The following OSBPL6 variants were observed in gnomAD, a reference collection of about 807,000 sequenced individuals.
The protein encoded by OSBPL6 is oxysterol binding protein like 6.
OSBPL6 carries 49 observed loss-of-function variants against 125.8 expected under a neutral mutation model. The observed-to-expected ratio is 0.39, with a 90% CI of 0.31 to 0.49. The LOEUF (loss-of-function observed/expected upper bound fraction) is 0.49. Among genes scored for constraint, OSBPL6 ranks in the 20% least tolerant of loss-of-function variants. The pLI, the probability that OSBPL6 is intolerant of heterozygous loss-of-function variation, is 0.88. For synonymous variants in OSBPL6, 394 were observed against 391.8 expected, an observed-to-expected ratio of 1.01 and a Z score of -0.07; for missense variants, 986 against 1,135.4, an observed-to-expected ratio of 0.87 and a Z score of 1.89.
rs751439374 is a variant in OSBPL6, at chr2:178,336,329, C to G, written c.686C>G (p.Ser229Cys). The change falls in exon 9 of 25, where the codon TCC (serine) becomes TGC (cysteine). Residue 229 changes from serine (S) to cysteine (C), a missense_variant. Ser to Cys is a moderately radical substitution (Grantham distance 112, BLOSUM62 -1). Coordinates refer to ENST00000190611, the MANE Select transcript of OSBPL6 (RefSeq NM_032523.4). ...KMQPNSFPWQSPLPCSNSLPA... is the reference protein window; with the variant it reads ...KMQPNSFPWQCPLPCSNSLPA... Reference sequence around the variant, plus strand: ...CAACCAAACAGCTTTCCGTGGCAGTCCCCTTTACCATGCAGCAATAGCCTC... The same window carrying G: ...CAACCAAACAGCTTTCCGTGGCAGTGCCCTTTACCATGCAGCAATAGCCTC... 1 of 1,614,060 alleles carries G rather than the reference C, an allele frequency of 6.2e-7. No homozygotes were observed. Among genetic ancestry groups the G allele is most frequent in the South Asian group, 1.1e-5 (1 of 91,074 alleles).
intron 12 of OSBPL6, among the ~76,000 whole-genome samples, chr2:178,360,604 T>C (rs1692265734): frequency 6.6e-6 from 1 of 152,214 alleles, no homozygotes. Context: ...TGAAACTACA[T>C]ATTTTCAACA....
At chr2:178,330,049 G>T (rs1689062105) in intron 5 of OSBPL6, among the ~76,000 whole-genome samples, 1 of 152,168 alleles carries the variant, frequency 6.6e-6, no homozygotes, top group Admixed American at 6.5e-5. Context: ...CCAAGGACCT[G>T]TCCTCACTGT....
chr2:178,315,050 G>C (rs748005094), intron 3 of OSBPL6, among the ~76,000 whole-genome samples: 5 of 152,160 alleles, frequency 3.3e-5, no homozygotes, highest in Non-Finnish European at 5.9e-5. Flanking sequence ...ATGGTACATA[G>C]ACTAAAATGT....
chr2:178,375,802 C>T (rs1402348934), intron 15 of OSBPL6, among the ~76,000 whole-genome samples: 3 of 152,128 alleles, frequency 2.0e-5, no homozygotes, highest in African/African-American at 7.2e-5. Context: ...TGATGACTTC[C>T]TAGCTTACCT....
chr2:178,335,582 A>T (rs1410453750), intron 8 of OSBPL6, among the ~76,000 whole-genome samples: 1 of 152,220 alleles, frequency 6.6e-6, no homozygotes, highest in Admixed American at 6.5e-5. Flanking sequence ...GTAATGATTT[A>T]GAAGAGACAC....
At chr2:178,287,061 C>T (rs1359689778) in intron 2 of OSBPL6, among the ~76,000 whole-genome samples, 1 of 151,254 alleles carries the variant, frequency 6.6e-6, no homozygotes, top group Non-Finnish European at 1.5e-5. Flanking sequence ...TCATAGGGTC[C>T]TTATAGGCAT....
intron 1 of OSBPL6, among the ~76,000 whole-genome samples, chr2:178,225,003 T>TCTCTCTCTC (rs2090492179): frequency 8.1e-5 from 12 of 148,442 alleles, no homozygotes; most frequent in African/African-American, 3.0e-4. Context: ...CTCTCTCTCT[T>TCTCTCTCTC]TCTCTCTCTC....
chr2:178,229,875 A>G (rs1444173182), intron 1 of OSBPL6, among the ~76,000 whole-genome samples: 1 of 152,228 alleles, frequency 6.6e-6, no homozygotes, highest in African/African-American at 2.4e-5. Context: ...GCAAATAGCA[A>G]CTCAGACACT....
chr2:178,345,590 T>C (rs1180612743), intron 11 of OSBPL6, among the ~76,000 whole-genome samples: 1 of 152,212 alleles, frequency 6.6e-6, no homozygotes, highest in Non-Finnish European at 1.5e-5. Flanking sequence ...GATGAATAAA[T>C]CCCATGACAC....
intron 16 of OSBPL6, 197 bp from the exon 17 acceptor site, chr2:178,382,827 A>G (rs1694606336): frequency 2.1e-6 from 3 of 1,395,454 alleles, no homozygotes; most frequent in Admixed American, 2.9e-5. Context: ...CTAATGCCTT[A>G]TTTATAAAAC....
At chr2:178,288,446 A>G (rs912557027) in intron 2 of OSBPL6, among the ~76,000 whole-genome samples, 8 of 152,148 alleles carry the variant, frequency 5.3e-5, no homozygotes, top group Non-Finnish European at 1.2e-4. Flanking sequence ...GTCCATCACA[A>G]TCTGGTTTGT....
chr2:178,401,774 G>A lies in OSBPL6; in HGVS notation c.*6215G>A, dbSNP rs1228610882. On this transcript the variant is annotated 3_prime_UTR_variant, in exon 25 of 25. Coordinates refer to ENST00000190611, the MANE Select transcript of OSBPL6 (RefSeq NM_032523.4). ...GATTCTGAGTCCACAGATCTAGGGT[G>A]TGGACCGAGAATCCTCATTGTAACA... The A allele has an allele frequency of 6.6e-6, 1 of 152,260 alleles. No homozygotes were observed. Among genetic ancestry groups the A allele is most frequent in the Non-Finnish European group, 1.5e-5 (1 of 68,070 alleles). The allele number at this position is 152,260 out of a possible 1,614,324, so 9.4% of individuals were successfully genotyped here.
At chr2:178,358,657 C>T (rs1250700653) in intron 12 of OSBPL6, among the ~76,000 whole-genome samples, 7 of 152,080 alleles carry the variant, frequency 4.6e-5, no homozygotes, top group Admixed American at 1.3e-4. Context: ...TAGAAGAAAA[C>T]GTAGAGCAAA....
intron 1 of OSBPL6, among the ~76,000 whole-genome samples, chr2:178,250,595 G>GC (rs1160344980): frequency 1.3e-5 from 2 of 152,076 alleles, no homozygotes; most frequent in African/African-American, 4.8e-5. Flanking sequence ...GATTGACAAG[G>GC]CCCCACTTCC....
At chr2:178,196,690 G>A (rs2088916352) in intron 1 of OSBPL6, among the ~76,000 whole-genome samples, 1 of 152,168 alleles carries the variant, frequency 6.6e-6, no homozygotes, top group Non-Finnish European at 1.5e-5. Context: ...TGCATAAGGA[G>A]ATAAAAATTC....
intron 1 of OSBPL6, among the ~76,000 whole-genome samples, chr2:178,250,049 A>G (rs1389033845): frequency 6.6e-6 from 1 of 152,206 alleles, no homozygotes; most frequent in African/African-American, 2.4e-5. Context: ...CAGCAACCGT[A>G]TAGGTTCTAC....
Position 178,402,685 on chromosome 2 carries a change from A to C in OSBPL6, c.*7126A>C, listed in dbSNP as rs1696131719. 6.6e-6 allele frequency: 1 copy of C among 152,232 alleles called. No homozygotes were observed. Among genetic ancestry groups the C allele is most frequent in the Admixed American group, 6.5e-5 (1 of 15,288 alleles). The allele number at this position is 152,232 out of a possible 1,614,324, so 9.4% of individuals were successfully genotyped here. On this transcript the variant is annotated 3_prime_UTR_variant, in exon 25 of 25. Transcript: ENST00000190611. ...CGGTCATTTTGAGATAGAAAAATTA[A>C]ATTTTTTTAGGAAAAGAATTTCAAG... is the stretch of plus-strand genomic sequence containing the variant.
At position 178,292,309 on chromosome 2, in the gene OSBPL6, T is replaced by G. The variant is rs186007624; in HGVS notation, c.-156+7188T>G. Among the ~76,000 whole-genome samples, 3 of 152,318 alleles carry G rather than the reference T, an allele frequency of 2.0e-5. No individual in the cohort carries two copies. In the East Asian group the frequency reaches 5.8e-4, roughly 29 times the overall value. ...TAATAAGTCTAACTTTGATGGTAAT[T>G]TAAAATTTTACTTTATTCACTTTGC... On this transcript the variant is annotated intron_variant, in intron 2 of 24. Transcript: ENST00000190611.
chr2:178,302,852 A>G (rs1199594087), intron 2 of OSBPL6, among the ~76,000 whole-genome samples: 1 of 152,214 alleles, frequency 6.6e-6, no homozygotes, highest in Non-Finnish European at 1.5e-5. Context: ...CAGAGGAAAT[A>G]TACCTTGGAT....
Sources: allele counts gnomAD v4.1 joint callset (sites outside exome capture counted in the v4.1 genomes callset), GRCh38; gene constraint gnomAD v4.1.1; transcripts MANE v1.5; gene names NCBI Gene and HGNC (gene_info 2026-07-23, HGNC 2026-07-21).